RASGRF2: variants seen among roughly 807,000 people sequenced by gnomAD.
RASGRF2 encodes Ras protein specific guanine nucleotide releasing factor 2, also known as ras-specific guanine nucleotide-releasing factor 2.
A neutral mutation model predicts 151.0 loss-of-function variants in RASGRF2; 76 were observed. The observed-to-expected ratio is 0.50, with a 90% CI of 0.42 to 0.61. RASGRF2 has a LOEUF of 0.61. Ranked by LOEUF, RASGRF2 falls within the 20% of genes least tolerant of loss-of-function variation. RASGRF2 has a pLI of 0.00. For missense variants in RASGRF2, 1,148 were observed against 1,564.6 expected, an observed-to-expected ratio of 0.73 and a Z score of 4.49; for synonymous variants, 504 against 566.5, an observed-to-expected ratio of 0.89 and a Z score of 1.57.
At position 80,960,798 on chromosome 5, in the gene RASGRF2, C is replaced by T; in HGVS notation, c.60C>T (p.Arg20=). ...GHALYLAFLA[R]KEGTKRGFLS... ...CCCTGTACCTGGCCTTTCTGGCGCG[C>T]AAGGAGGGCACCAAGCGCGGCTTCC... Residue 20 remains arginine, a synonymous_variant, in exon 1 of 27, where the codon CGC becomes CGT. Coordinates refer to ENST00000265080, the MANE Select transcript of RASGRF2 (RefSeq NM_006909.3). The surrounding 1 kb of genome is among the most constrained non-coding windows in gnomAD (Gnocchi z 5.5). 6.2e-7 allele frequency: 1 copy of T among 1,613,232 alleles called. No homozygotes were observed. The highest frequency in any genetic ancestry group is 2.2e-5 in the East Asian group (1 of 44,834).
intron 1 of RASGRF2, among the ~76,000 whole-genome samples, chr5:81,035,881 G>T (rs1008835612): frequency 2.0e-5 from 3 of 152,134 alleles, no homozygotes; most frequent in Non-Finnish European, 4.4e-5. Context: ...TTGTGGCTGA[G>T]AACTCAAGCA....
chr5:81,180,151 G>A (rs375433596), intron 17 of RASGRF2, 24 bp from the exon 18 acceptor site: 54 of 1,402,228 alleles, frequency 3.9e-5, no homozygotes, highest in African/African-American at 1.1e-4. Context: ...ACTGCAACAC[G>A]TGTGTGTTTC....
At chr5:81,105,038 C>A (rs999415987) in intron 12 of RASGRF2, among the ~76,000 whole-genome samples, 50 of 152,074 alleles carry the variant, frequency 3.3e-4, no homozygotes, top group African/African-American at 1.1e-3. Flanking sequence ...CCTCTTGGTT[C>A]CCTCTTTCAA....
intron 18 of RASGRF2, among the ~76,000 whole-genome samples, chr5:81,199,113 A>T (rs1465089963): frequency 2.0e-5 from 3 of 152,220 alleles, no homozygotes; most frequent in Non-Finnish European, 2.9e-5. Flanking sequence ...AATGCTCTCT[A>T]CTAGTGCATA....
chr5:81,027,793 G>A (rs1750088277), intron 1 of RASGRF2, among the ~76,000 whole-genome samples: 1 of 152,204 alleles, frequency 6.6e-6, no homozygotes, highest in Admixed American at 6.5e-5. Context: ...AGCAGGCAGA[G>A]TCAGCTGCGA....
At chr5:81,131,369 C>T (rs1451730581) in intron 17 of RASGRF2, among the ~76,000 whole-genome samples, 2 of 151,770 alleles carry the variant, frequency 1.3e-5, no homozygotes, top group South Asian at 2.1e-4. Flanking sequence ...TTTGGGGGGT[C>T]GGGGGAACAA....
At chr5:81,077,012 T>C (rs79829918) in intron 5 of RASGRF2, among the ~76,000 whole-genome samples, 1,676 of 152,220 alleles carry the variant, frequency 0.011, 32 homozygotes, top group African/African-American at 0.039. Flanking sequence ...AATAAGGAAG[T>C]TGAAGCTGTA....
intron 1 of RASGRF2, among the ~76,000 whole-genome samples, chr5:80,987,773 C>A (rs1008006921): frequency 2.0e-5 from 3 of 152,146 alleles, no homozygotes; most frequent in African/African-American, 7.2e-5. Context: ...TACTTCATGA[C>A]ATACATTCTA....
intron 21 of RASGRF2, 91 bp downstream of exon 21, chr5:81,207,440 G>A (rs910637381): frequency 9.5e-6 from 10 of 1,055,510 alleles, no homozygotes; most frequent in Middle Eastern, 4.2e-4. Flanking sequence ...GTGTATGTCT[G>A]TCCCCTCAGT....
At chr5:81,104,796 G>A (rs1355323813) in intron 12 of RASGRF2, among the ~76,000 whole-genome samples, 8 of 152,144 alleles carry the variant, frequency 5.3e-5, no homozygotes, top group African/African-American at 1.9e-4. Context: ...CCCTGGATTG[G>A]CACCATAGAT....
chr5:81,142,730 G>T (rs758708841), intron 17 of RASGRF2, among the ~76,000 whole-genome samples: 9 of 152,156 alleles, frequency 5.9e-5, no homozygotes, highest in Non-Finnish European at 1.2e-4. Flanking sequence ...GAAAATGCAA[G>T]TGTCCCTGTT....
chr5:81,109,661 AT>A (rs200121569), intron 13 of RASGRF2, among the ~76,000 whole-genome samples: 99 of 152,210 alleles, frequency 6.5e-4, no homozygotes, highest in African/African-American at 2.3e-3. Flanking sequence ...GCAAGACTCC[AT>A]TTAAAAAAAA....
intron 12 of RASGRF2, among the ~76,000 whole-genome samples, chr5:81,099,118 C>T (rs1580312221): frequency 1.3e-5 from 2 of 152,314 alleles, no homozygotes; most frequent in African/African-American, 4.8e-5. Flanking sequence ...TAGATCACTT[C>T]TGCACAATTA....
intron 17 of RASGRF2, among the ~76,000 whole-genome samples, chr5:81,170,948 C>T (rs545211777): frequency 2.0e-5 from 3 of 152,192 alleles, no homozygotes; most frequent in Admixed American, 6.5e-5. Flanking sequence ...TCCTGGTTTC[C>T]GCCCTTCCTC....
chr5:81,006,963 C>A (rs370363877), intron 1 of RASGRF2, among the ~76,000 whole-genome samples: 47 of 152,250 alleles, frequency 3.1e-4, no homozygotes, highest in African/African-American at 1.1e-3. Flanking sequence ...CCATGGCATT[C>A]TCCTAAAAAT....
chr5:81,167,551 T>C (rs4704704), intron 17 of RASGRF2, among the ~76,000 whole-genome samples: 140,143 of 152,304 alleles, frequency 0.92, 64,685 homozygotes, highest in African/African-American at 0.98. Flanking sequence ...CACATCAGTG[T>C]GCACTCAGTG....
At chr5:81,181,254 C>T (rs143760598) in intron 18 of RASGRF2, among the ~76,000 whole-genome samples, 25 of 152,234 alleles carry the variant, frequency 1.6e-4, no homozygotes, top group African/African-American at 4.1e-4. Flanking sequence ...GCGTGGTCCT[C>T]GGTAGTGACA....
intron 15 of RASGRF2, among the ~76,000 whole-genome samples, chr5:81,114,659 C>T (rs1436609135): frequency 1.3e-5 from 2 of 152,210 alleles, no homozygotes; most frequent in Non-Finnish European, 2.9e-5. Context: ...CTGCCACGCT[C>T]CCTCATCTAC....
At chr5:81,032,598 T>C (rs554625476) in intron 1 of RASGRF2, among the ~76,000 whole-genome samples, 138 of 152,138 alleles carry the variant, frequency 9.1e-4, no homozygotes, top group African/African-American at 3.2e-3. Flanking sequence ...ATTCAACAGC[T>C]CTTCATGCTA....
Sources: allele counts gnomAD v4.1 joint callset (sites outside exome capture counted in the v4.1 genomes callset), GRCh38; gene constraint gnomAD v4.1.1; non-coding constraint Gnocchi (gnomAD v3.1); transcripts MANE v1.5; gene names NCBI Gene and HGNC (gene_info 2026-07-23, HGNC 2026-07-21).